Variants in SHANK1 observed in about 807,000 individuals in gnomAD.
The protein encoded by SHANK1 is SH3 and multiple ankyrin repeat domains 1, also known as SH3 and multiple ankyrin repeat domains protein 1.
A neutral mutation model predicts 165.6 loss-of-function variants in SHANK1; 35 were observed. That is an observed-to-expected ratio of 0.21 (90% CI 0.16 to 0.28). The LOEUF (loss-of-function observed/expected upper bound fraction) is 0.28, where lower values mean the gene tolerates loss of function less well. SHANK1 is among the 10% of genes least tolerant of loss of function. The probability of loss-of-function intolerance (pLI) is 1.00; values close to 1 mark genes in which losing one functional copy is unlikely to be tolerated. For missense variants in SHANK1, 2,681 were observed against 3,036.4 expected (o/e 0.88, Z 2.75); for synonymous variants, 1,428 against 1,384.8 (o/e 1.03, Z -0.69).
chr19:50,702,423 C>T lies in SHANK1; in HGVS notation c.1747+44G>A, dbSNP rs772622553. On this transcript the variant is annotated intron_variant, in intron 12 of 23. Coordinates refer to ENST00000293441, the MANE Select transcript of SHANK1 (RefSeq NM_016148.5). This position sits in a 1 kb window ranked among gnomAD's most constrained non-coding sequence, Gnocchi z 5.3. ...CTGCTCCACATTTTCCCTGATCGCC[C>T]CCACAGCCCAGCCCAGCCCAGGCCC... The T allele has an allele frequency of 6.0e-5, 92 of 1,544,408 alleles. No individual in the cohort carries two copies. The African/African-American group carries it at 1.1e-3, about 18-fold the overall frequency.
At chr19:50,673,508 C>T (rs376005614) in intron 21 of SHANK1, among the ~76,000 whole-genome samples, 97 of 152,092 alleles carry the variant, frequency 6.4e-4, no homozygotes, top group African/African-American at 2.1e-3. Flanking sequence ...AAGTTCTCCT[C>T]GGCGAGACCT....
At position 50,667,572 on chromosome 19, in the gene SHANK1, C is replaced by T. The variant is rs750912743; in HGVS notation, c.4388G>A (p.Gly1463Glu). Residue 1463 changes from glycine to glutamate, a missense_variant, in exon 23 of 24, where the codon GGG becomes GAG. Physicochemically the swap from Gly to Glu is moderately conservative, Grantham distance 98 (BLOSUM62 -2). Transcript: ENST00000293441. The surrounding 1 kb of genome is among the most constrained non-coding windows in gnomAD (Gnocchi z 5.7). ...GGGGTGCGGGGCCGGGGGCTCCGTC[C>T]CCAGCTGCAGCAGGAGGGGCCCCAC... ...PGVGPLLLQL[G>E]TEPPAPHPGV... 17 of 1,447,692 alleles carry T rather than the reference C, an allele frequency of 1.2e-5. No individual in the cohort carries two copies. The highest frequency in any genetic ancestry group is 1.5e-5 in the Non-Finnish European group (17 of 1,111,856). The allele number at this position is 1,447,692 out of a possible 1,614,324, so 89.7% of individuals were successfully genotyped here. A position where few individuals can be genotyped will look rare whatever the true frequency, so the allele number is the denominator to read the frequency against.
At position 50,702,458 on chromosome 19, in the gene SHANK1, C is replaced by G. The variant is rs1408548982; in HGVS notation, c.1747+9G>C. The G allele has an allele frequency of 3.7e-6, 6 of 1,605,824 alleles. No homozygotes were observed. Among genetic ancestry groups the G allele is most frequent in the Non-Finnish European group, 5.1e-6 (6 of 1,175,882 alleles). On this transcript the variant is annotated intron_variant, in intron 12 of 23. Coordinates refer to ENST00000293441, the MANE Select transcript of SHANK1 (RefSeq NM_016148.5). This position sits in a 1 kb window ranked among gnomAD's most constrained non-coding sequence, Gnocchi z 5.3. ...AGCCCAGCCCAGGCCCTGCTTCCAC[C>G]CTGGGTACCTTTGATCTTCTCGCCC...
chr19:50,671,364 T>C (rs954148699), intron 22 of SHANK1, among the ~76,000 whole-genome samples: 3 of 150,530 alleles, frequency 2.0e-5, no homozygotes, highest in African/African-American at 7.3e-5. Flanking sequence ...TTTGTATTTT[T>C]AGTAGAGATG....
At chr19:50,714,544 A>T (rs1258493312) in intron 4 of SHANK1, among the ~76,000 whole-genome samples, 1 of 151,864 alleles carries the variant, frequency 6.6e-6, no homozygotes, top group African/African-American at 2.4e-5. Flanking sequence ...AATGCAAAAA[A>T]CTAGCCAGGT....
At chr19:50,671,970 G>T in intron 22 of SHANK1, 48 bp downstream of exon 22, 1 of 1,389,946 alleles carries the variant, frequency 7.2e-7, no homozygotes. Context: ...GAACTGTCAC[G>T]TTCCTGGCCT....
In SHANK1 at chr19:50,662,375, C is replaced by T. The variant is rs200040610; in HGVS notation, c.6076G>A (p.Gly2026Arg). 6.5e-5 allele frequency: 102 copies of T among 1,581,370 alleles called. No homozygotes were observed. The East Asian group carries it at 1.1e-3, about 17-fold the overall frequency. ...RPSSLPILPSGPLYPGLFDIR... is the reference protein window; with the variant it reads ...RPSSLPILPSRPLYPGLFDIR... ...TCAAAGAGGCCTGGGTAGAGGGGTC[C>T]GGAAGGCAGGATGGGCAGGGACGAG... The change falls in exon 24 of 24, where the codon GGA becomes AGA. Residue 2026 changes from glycine to arginine, a missense_variant. By Grantham distance (125) the Gly-to-Arg change is moderately radical. Transcript: ENST00000293441. This position sits in a 1 kb window ranked among gnomAD's most constrained non-coding sequence, Gnocchi z 7.7.
rs1342615614 is a variant in SHANK1 at position 50,668,800 on chromosome 19, C to T, written c.3160G>A (p.Gly1054Arg). 4 of 1,270,636 alleles carry T rather than the reference C, an allele frequency of 3.1e-6. No homozygotes were observed. The highest frequency in any genetic ancestry group is 8.1e-5 in the Admixed American group (2 of 24,820). The allele number at this position is 1,270,636 out of a possible 1,614,324, so 78.7% of individuals were successfully genotyped here. ...GGGGCCCCCGGGGTCGGGCTGGGCCCGCCGCCCCTCCAGCCTCGCAGGCTG... is the reference window on the plus strand; with the variant it reads ...GGGGCCCCCGGGGTCGGGCTGGGCCTGCCGCCCCTCCAGCCTCGCAGGCTG... ...QPSLRGWRGG[G>R]PSPTPGAPSP... Residue 1054 changes from glycine (G) to arginine (R), a missense_variant, in exon 23 of 24, where the codon GGG (glycine) becomes AGG (arginine). By Grantham distance (125) the Gly-to-Arg change is moderately radical. Around this residue, in one of 10 missense-constraint regions of SHANK1, gnomAD observed 1,713 missense variants for 1,630.2 expected, o/e 1.05. Transcript: ENST00000293441.
rs1985604794 is a variant in SHANK1 at position 50,667,809 on chromosome 19, C to T, written c.4151G>A (p.Arg1384His). The change falls in exon 23 of 24, where the codon CGC (arginine) becomes CAC (histidine). Residue 1384 changes from arginine (R) to histidine (H), a missense_variant. This residue lies in a region of SHANK1 where 1,713 missense variants were observed against 1,630.2 expected (regional missense o/e 1.05). Transcript: ENST00000293441. The surrounding 1 kb of genome is among the most constrained non-coding windows in gnomAD (Gnocchi z 5.7). Reference protein sequence around the residue: ...PQPPPRPPSPRYEAPPPTPHH... With the variant: ...PQPPPRPPSPHYEAPPPTPHH... ...CGGGGTGGGCGGCGGGGCCTCGTAG[C>T]GGGGCGATGGGGGCCTGGGAGGCGG... 6 of 1,291,950 alleles carry T rather than the reference C, an allele frequency of 4.6e-6. No individual in the cohort carries two copies. The highest frequency in any genetic ancestry group is 5.9e-6 in the Non-Finnish European group (6 of 1,024,662). 80.0% of individuals were successfully genotyped at this position (1,291,950 alleles called of 1,614,324 possible).
intron 21 of SHANK1, among the ~76,000 whole-genome samples, chr19:50,683,516 G>T (rs558172023): frequency 6.6e-6 from 1 of 152,082 alleles, no homozygotes. Flanking sequence ...TCTAACATAC[G>T]TATTTTCTCC....
rs1461948425 is a variant in SHANK1 at position 50,712,082 on chromosome 19, G to A, written c.825C>T (p.Tyr275=). The part of the protein sequence containing the change: ...ALLDLGGSPN[Y]KDRRGLTPLF... Reference sequence around the variant, plus strand: ...GAGGGGTCAGCCCCCGACGGTCCTTGTAGTTGGGGGAACCCCCAAGGTCCA... The same window carrying A: ...GAGGGGTCAGCCCCCGACGGTCCTTATAGTTGGGGGAACCCCCAAGGTCCA... The change falls in exon 7 of 24, where the codon TAC becomes TAT. Residue 275 remains tyrosine, a synonymous_variant. Transcript: ENST00000293441. The A allele has an allele frequency of 6.2e-6, 10 of 1,606,846 alleles. No individual in the cohort carries two copies. In the South Asian group the frequency reaches 1.0e-4, roughly 16 times the overall value.
rs1985533025 is a variant in SHANK1 at position 50,666,699 on chromosome 19, G to A, written c.5261C>T (p.Pro1754Leu). 2 of 1,584,256 alleles carry A rather than the reference G, an allele frequency of 1.3e-6. No individual in the cohort carries two copies. Among genetic ancestry groups the A allele is most frequent in the Non-Finnish European group, 8.6e-7 (1 of 1,167,484 alleles). ...GPPYPPQLMT[P>L]SKLRGRALGA... ...TAGCGCCCGGCCCCGGAGCTTAGAG[G>A]GAGTCATGAGCTGAGGAGGGTATGG... is the stretch of plus-strand genomic sequence containing the variant. The change falls in exon 23 of 24, where the codon CCC becomes CTC. Residue 1754 changes from proline (P) to leucine (L), a missense_variant. By Grantham distance (98) the Pro-to-Leu change is moderately conservative (BLOSUM62 -3). Around this residue, in one of 10 missense-constraint regions of SHANK1, gnomAD observed 1,713 missense variants for 1,630.2 expected, o/e 1.05. Coordinates refer to ENST00000293441, the MANE Select transcript of SHANK1 (RefSeq NM_016148.5).
In SHANK1 at chr19:50,688,590, G is replaced by A. The variant is rs576648805; in HGVS notation, c.2172+254C>T. 2.0e-5 allele frequency among the ~76,000 whole-genome samples: 3 copies of A among 152,322 alleles called. No homozygotes were observed. Among genetic ancestry groups the A allele is most frequent in the African/African-American group, 7.2e-5 (3 of 41,572 alleles). On this transcript the variant is annotated intron_variant, in intron 17 of 23. Coordinates refer to ENST00000293441, the MANE Select transcript of SHANK1 (RefSeq NM_016148.5). This position sits in a 1 kb window ranked among gnomAD's most constrained non-coding sequence, Gnocchi z 6.7. Reference sequence around the variant, plus strand: ...CCCAAAGCACTGGGATCACAGGCGTGAGCCGCTGTGCCTGGCCATCCCCCG... The same window carrying A: ...CCCAAAGCACTGGGATCACAGGCGTAAGCCGCTGTGCCTGGCCATCCCCCG...
At position 50,667,937 on chromosome 19, in the gene SHANK1, C is replaced by A. The variant is rs1331205422; in HGVS notation, c.4023G>T (p.Pro1341=). 1 of 1,372,352 alleles carries A rather than the reference C, an allele frequency of 7.3e-7. No individual in the cohort carries two copies. The highest frequency in any genetic ancestry group is 9.4e-7 in the Non-Finnish European group (1 of 1,068,774). 85.0% of individuals were successfully genotyped at this position (1,372,352 alleles called of 1,614,324 possible). Residue 1341 remains proline (P), a synonymous_variant, in exon 23 of 24, where the codon CCG becomes CCT. Transcript: ENST00000293441. The surrounding 1 kb of genome is among the most constrained non-coding windows in gnomAD (Gnocchi z 5.7). Reference sequence around the variant, plus strand: ...CGGGATCCAGGGCCTTGCCGGTCAGCGGGTGCACCAGGGGTCGCGGGGGCA... The same window carrying A: ...CGGGATCCAGGGCCTTGCCGGTCAGAGGGTGCACCAGGGGTCGCGGGGGCA... The part of the protein sequence containing the change: ...SFLPPRPLVH[P]LTGKALDPAS...
At position 50,667,385 on chromosome 19, in the gene SHANK1, C is replaced by A; in HGVS notation, c.4575G>T (p.Arg1525=). ...GGGAGGTCGGGGAGGGGGGCACGGA[C>A]CGGCGTGGGCTGGGCGGCGGGACCC... The part of the protein sequence containing the change: ...GPGVPPPSPR[R]SVPPSPTSPR... Residue 1525 remains arginine, a synonymous_variant, in exon 23 of 24, where the codon CGG becomes CGT. Coordinates refer to ENST00000293441, the MANE Select transcript of SHANK1 (RefSeq NM_016148.5). This position sits in a 1 kb window ranked among gnomAD's most constrained non-coding sequence, Gnocchi z 5.7. 2 of 1,525,592 alleles carry A rather than the reference C, an allele frequency of 1.3e-6. No individual in the cohort carries two copies. Among genetic ancestry groups the A allele is most frequent in the Non-Finnish European group, 1.8e-6 (2 of 1,141,588 alleles). The allele number at this position is 1,525,592 out of a possible 1,614,324, so 94.5% of individuals were successfully genotyped here. A position where few individuals can be genotyped will look rare whatever the true frequency, so the allele number is the denominator to read the frequency against.
At chr19:50,689,435 G>C (rs1289323736) in intron 15 of SHANK1, 156 bp from the exon 16 acceptor site, 1 of 720,918 alleles carries the variant, frequency 1.4e-6, no homozygotes, top group Non-Finnish European at 2.6e-6. Flanking sequence ...CACTCTGTGT[G>C]TGTATGCTAG....
chr19:50,702,765 A>C lies in SHANK1; in HGVS notation c.1554-105T>G. 8.4e-6 allele frequency: 5 copies of C among 594,978 alleles called. No individual in the cohort carries two copies. The highest frequency in any genetic ancestry group is 1.4e-5 in the Non-Finnish European group (5 of 349,892). 36.9% of individuals were successfully genotyped at this position (594,978 alleles called of 1,614,324 possible). On this transcript the variant is annotated intron_variant, in intron 11 of 23. Coordinates refer to ENST00000293441, the MANE Select transcript of SHANK1 (RefSeq NM_016148.5). The surrounding 1 kb of genome is among the most constrained non-coding windows in gnomAD (Gnocchi z 5.3). ...GGAAGAGGACGGTGCATCAGGGGGG[A>C]GGGGGGGTTTCCCAGCACTGGCGTC...
chr19:50,671,180 C>CTTTTTTTT (rs35076465), intron 22 of SHANK1, among the ~76,000 whole-genome samples: 2 of 76,724 alleles, frequency 2.6e-5, no homozygotes, highest in Non-Finnish European at 4.6e-5. Context: ...TTTTTTCACT[C>CTTTTTTTT]TTTTTTTTTT....
At chr19:50,704,214 G>T in intron 9 of SHANK1, 28 bp from the exon 10 acceptor site, 1 of 1,609,034 alleles carries the variant, frequency 6.2e-7, no homozygotes, top group Non-Finnish European at 8.5e-7. Context: ...AGGCAGGTCG[G>T]CCAGGGGGGC....
Sources: gnomAD v4.1 joint callset for allele counts (sites outside exome capture counted in the v4.1 genomes callset) on GRCh38, gnomAD v4.1.1 for gene constraint, gnomAD v4.1.1 regional missense constraint, Gnocchi (gnomAD v3.1) non-coding constraint, MANE v1.5 for transcripts, NCBI Gene and HGNC (gene_info 2026-07-23, HGNC 2026-07-21) for gene names.